The following PHACTR1 variants were observed in gnomAD, a reference collection of about 807,000 sequenced individuals.
PHACTR1 encodes phosphatase and actin regulator 1.
PHACTR1 carries 16 observed loss-of-function variants against 69.2 expected under a neutral mutation model. The observed-to-expected ratio is 0.23, with a 90% CI of 0.16 to 0.35. The LOEUF is 0.35. Among genes scored for constraint, PHACTR1 ranks in the 10% least tolerant of loss-of-function variants. PHACTR1 has a pLI of 1.00. For missense variants in PHACTR1, 510 were observed against 734.7 expected, an observed-to-expected ratio of 0.69 and a Z score of 3.54; for synonymous variants, 312 against 284.5, an observed-to-expected ratio of 1.10 and a Z score of -0.97.
intron 4 of PHACTR1, among the ~76,000 whole-genome samples, chr6:12,771,370 G>A (rs140135048): frequency 2.8e-4 from 42 of 152,286 alleles, no homozygotes; most frequent in Non-Finnish European, 3.1e-4. Context: ...AGAGAAGGGG[G>A]CAGATGCTCA....
At chr6:13,190,198 A>ATTTTTTTTTTTTG (rs1276841115) in intron 7 of PHACTR1, among the ~76,000 whole-genome samples, 5 of 87,266 alleles carry the variant, frequency 5.7e-5, no homozygotes, top group African/African-American at 2.4e-4. Context: ...TAATTTTTGT[A>ATTTTTTTTTTTTG]TTTTTTTTTT....
At chr6:13,079,345 C>T (rs1470638557) in intron 5 of PHACTR1, among the ~76,000 whole-genome samples, 1 of 152,140 alleles carries the variant, frequency 6.6e-6, no homozygotes, top group African/African-American at 2.4e-5. Context: ...CTAAATAGCT[C>T]TTAGGTGACA....
chr6:12,724,107 C>T (rs569618062), intron 3 of PHACTR1, among the ~76,000 whole-genome samples: 6 of 152,230 alleles, frequency 3.9e-5, no homozygotes, highest in African/African-American at 7.2e-5. Flanking sequence ...GCAGGCAGAT[C>T]GCCTGAGGTC....
intron 10 of PHACTR1, among the ~76,000 whole-genome samples, chr6:13,264,547 C>T (rs569774117): frequency 4.9e-4 from 75 of 152,196 alleles, no homozygotes; most frequent in African/African-American, 1.7e-3. Context: ...TGGTGAAACC[C>T]CATCTCTACT....
chr6:12,803,224 G>A (rs901253311), intron 4 of PHACTR1, among the ~76,000 whole-genome samples: 1 of 152,094 alleles, frequency 6.6e-6, no homozygotes, highest in Non-Finnish European at 1.5e-5. Flanking sequence ...TGTCAACCCC[G>A]CTGCGTTCAA....
chr6:13,084,064 C>G (rs1426319763), intron 5 of PHACTR1, among the ~76,000 whole-genome samples: 6 of 152,040 alleles, frequency 3.9e-5, no homozygotes, highest in African/African-American at 1.2e-4. Context: ...GCTATAAAGA[C>G]ACATGCACGT....
intron 4 of PHACTR1, among the ~76,000 whole-genome samples, chr6:13,003,762 T>C (rs978492733): frequency 1.3e-5 from 2 of 151,362 alleles, no homozygotes; most frequent in Non-Finnish European, 2.9e-5. Flanking sequence ...GAGTCTCTAG[T>C]GTCTATCATT....
chr6:13,035,153 T>G (rs897218634), intron 4 of PHACTR1, among the ~76,000 whole-genome samples: 2 of 152,232 alleles, frequency 1.3e-5, no homozygotes, highest in Non-Finnish European at 2.9e-5. Flanking sequence ...CAAATTATTT[T>G]ATATTCCCTA....
chr6:13,263,320 G>A (rs1584291127), intron 10 of PHACTR1, among the ~76,000 whole-genome samples: 1 of 118,734 alleles, frequency 8.4e-6, no homozygotes, highest in African/African-American at 3.1e-5. Flanking sequence ...ATGGTCACCA[G>A]TAGAGACAGC....
intron 4 of PHACTR1, among the ~76,000 whole-genome samples, chr6:12,862,096 A>G (rs1376298669): frequency 6.6e-6 from 1 of 152,212 alleles, no homozygotes; most frequent in Non-Finnish European, 1.5e-5. Context: ...CTTATATTCT[A>G]GGAAGAGAGA....
At chr6:12,990,348 C>T (rs1374323153) in intron 4 of PHACTR1, among the ~76,000 whole-genome samples, 1 of 152,166 alleles carries the variant, frequency 6.6e-6, no homozygotes, top group Non-Finnish European at 1.5e-5. Flanking sequence ...GGCCTTGGGC[C>T]CTGTTGAGAC....
chr6:13,121,207 C>T (rs1818677523), intron 5 of PHACTR1, among the ~76,000 whole-genome samples: 2 of 152,092 alleles, frequency 1.3e-5, no homozygotes, highest in African/African-American at 4.8e-5. Context: ...TGGAGGGAAT[C>T]ACTAGAATGT....
At chr6:13,273,527 A>T (rs1317606234) in intron 11 of PHACTR1, 2 of 152,358 alleles carry the variant, frequency 1.3e-5, no homozygotes, top group Non-Finnish European at 2.9e-5. Flanking sequence ...AAAAAAATAA[A>T]TGAGCCCCTT....
rs146132643 is a variant in PHACTR1 at position 13,044,296 on chromosome 6, T to C, written c.251-9069T>C. On this transcript the variant is annotated intron_variant, in intron 4 of 14. Coordinates refer to ENST00000332995, the MANE Select transcript of PHACTR1 (RefSeq NM_030948.6). ...CTTCTCAACGCTTATGAATCATCAT[T>C]GTGACCTGGAAATTCTTTTAATATT... Among the ~76,000 whole-genome samples, 413 of 152,316 alleles carry C rather than the reference T, an allele frequency of 2.7e-3. 2 individuals carry two copies. The highest frequency in any genetic ancestry group is 9.4e-3 in the African/African-American group (392 of 41,574).
chr6:13,202,303 T>G (rs1352835270), intron 7 of PHACTR1, among the ~76,000 whole-genome samples: 3 of 152,144 alleles, frequency 2.0e-5, no homozygotes, highest in Admixed American at 1.3e-4. Context: ...TAATCACTGC[T>G]CCTTCCTAGG....
intron 5 of PHACTR1, among the ~76,000 whole-genome samples, chr6:13,057,811 G>T (rs770299492): frequency 1.0e-3 from 158 of 152,146 alleles, no homozygotes; most frequent in Non-Finnish European, 1.7e-3. Flanking sequence ...CACTTCGAAT[G>T]CTACTCTTAC....
chr6:13,028,915 T>C (rs1314421281), intron 4 of PHACTR1, among the ~76,000 whole-genome samples: 3 of 152,056 alleles, frequency 2.0e-5, no homozygotes, highest in African/African-American at 7.2e-5. Flanking sequence ...ATTAGTAGAT[T>C]GAGGAAGGGA....
rs560447969 is a variant in PHACTR1, at chr6:12,814,962, A to G, written c.250+65172A>G. On this transcript the variant is annotated intron_variant, in intron 4 of 14. Transcript: ENST00000332995. The stretch of plus-strand genomic sequence containing the variant: ...CAGTTGCAAATTCCTCTGTGACAAA[A>G]TGAAGACTAATTTTGAGCTTCAGTA... 8.5e-5 allele frequency among the ~76,000 whole-genome samples: 13 copies of G among 152,310 alleles called. No individual in the cohort carries two copies. In the South Asian group the frequency reaches 2.5e-3, roughly 29 times the overall value.
chr6:13,151,430 A>G (rs773368983), intron 5 of PHACTR1, among the ~76,000 whole-genome samples: 3 of 152,252 alleles, frequency 2.0e-5, no homozygotes, highest in Non-Finnish European at 4.4e-5. Flanking sequence ...GGGAGCACAT[A>G]GAAAATACCC....
Sources: allele counts gnomAD v4.1 joint callset (sites outside exome capture counted in the v4.1 genomes callset), GRCh38; gene constraint gnomAD v4.1.1; transcripts MANE v1.5; gene names NCBI Gene and HGNC (gene_info 2026-07-23, HGNC 2026-07-21).